MTREX: variants seen among roughly 807,000 people sequenced by gnomAD.
MTREX encodes the protein exosome RNA helicase MTR4.
A neutral mutation model predicts 135.4 loss-of-function variants in MTREX; 76 were observed. The observed-to-expected ratio is 0.56, with a 90% CI of 0.47 to 0.68. The LOEUF (loss-of-function observed/expected upper bound fraction) is 0.68, where lower values mean the gene tolerates loss of function less well. Among genes scored for constraint, MTREX ranks in the 30% least tolerant of loss-of-function variants. The pLI is 0.00. For synonymous variants in MTREX, 404 were observed against 401.6 expected (o/e 1.01, Z -0.07); for missense variants, 920 against 1,262.1 (o/e 0.73, Z 4.11).
At chr5:55,341,812 A>G (rs766106604) in intron 7 of MTREX, 41 bp downstream of exon 7, 1 of 994,930 alleles carries the variant, frequency 1.0e-6, no homozygotes, top group South Asian at 1.6e-5. Context: ...ATTTCCCTTC[A>G]GAATGACATT....
At chr5:55,324,006 G>T in intron 2 of MTREX, 126 bp from the exon 3 acceptor site, 1 of 661,644 alleles carries the variant, frequency 1.5e-6, no homozygotes, top group Non-Finnish European at 2.7e-6. Context: ...AATAGCCAAA[G>T]TTTTTCCTAT....
chr5:55,364,474 G>A, intron 15 of MTREX, among the ~76,000 whole-genome samples: 1 of 152,110 alleles, frequency 6.6e-6, no homozygotes, highest in East Asian at 1.9e-4. Flanking sequence ...ATGAAATTTG[G>A]TATAAACTAT....
At chr5:55,336,218 T>C (rs1356578374) in intron 5 of MTREX, among the ~76,000 whole-genome samples, 1 of 152,176 alleles carries the variant, frequency 6.6e-6, no homozygotes, top group East Asian at 1.9e-4. Flanking sequence ...CTTTTCAATA[T>C]GTGTGTCTTA....
intron 16 of MTREX, among the ~76,000 whole-genome samples, chr5:55,375,641 G>A (rs1750285204): frequency 6.6e-6 from 1 of 152,108 alleles, no homozygotes; most frequent in Non-Finnish European, 1.5e-5. Flanking sequence ...AGGGTCCTGA[G>A]GCGATATACA....
At chr5:55,321,876 T>A (rs183905514) in intron 1 of MTREX, among the ~76,000 whole-genome samples, 1 of 152,166 alleles carries the variant, frequency 6.6e-6, no homozygotes, top group East Asian at 1.9e-4. Flanking sequence ...CCAAAGTGCT[T>A]GGATTACGGG....
chr5:55,312,740 T>C (rs1749135201), intron 1 of MTREX, among the ~76,000 whole-genome samples: 1 of 152,240 alleles, frequency 6.6e-6, no homozygotes, highest in Non-Finnish European at 1.5e-5. Context: ...TTTGAGTTGT[T>C]TCTGTTACGT....
chr5:55,353,742 A>C (rs1161182956), intron 14 of MTREX, among the ~76,000 whole-genome samples: 1 of 152,040 alleles, frequency 6.6e-6, no homozygotes, highest in Non-Finnish European at 1.5e-5. Flanking sequence ...CGTTCCCTTA[A>C]ATTTTTATCC....
chr5:55,407,867 C>A (rs1339080585), intron 22 of MTREX, among the ~76,000 whole-genome samples: 1 of 152,116 alleles, frequency 6.6e-6, no homozygotes, highest in Non-Finnish European at 1.5e-5. Context: ...GATCTTCCTG[C>A]CTCAGTCTCC....
In MTREX at chr5:55,405,809, A is replaced by G. The variant is rs116837739; in HGVS notation, c.2645+221A>G. On this transcript the variant is annotated intron_variant, in intron 22 of 26. Coordinates refer to ENST00000230640, the MANE Select transcript of MTREX (RefSeq NM_015360.5). ...TTCTTAAAAATATAAAGTTTGTACAATATCTTCCACACTAAATACAGTTTT... is the reference window on the plus strand; with the variant it reads ...TTCTTAAAAATATAAAGTTTGTACAGTATCTTCCACACTAAATACAGTTTT... Among the ~76,000 whole-genome samples the G allele has an allele frequency of 8.9e-3, 1,359 of 152,296 alleles. 19 individuals are homozygous for G. Among genetic ancestry groups the G allele is most frequent in the African/African-American group, 0.03 (1,246 of 41,552 alleles).
At chr5:55,390,307 TG>T (rs1750546376) in intron 19 of MTREX, among the ~76,000 whole-genome samples, 1 of 152,220 alleles carries the variant, frequency 6.6e-6, no homozygotes, top group Admixed American at 6.5e-5. Context: ...TTCACCATGT[TG>T]GCCAGGATGG....
At chr5:55,324,701 C>G (rs973285237) in intron 3 of MTREX, 1 of 151,920 alleles carries the variant, frequency 6.6e-6, no homozygotes, top group African/African-American at 2.4e-5. Context: ...CTGCCTCAGC[C>G]TACCAAAGTG....
At chr5:55,409,888 A>G (rs1750859857) in intron 22 of MTREX, among the ~76,000 whole-genome samples, 1 of 152,148 alleles carries the variant, frequency 6.6e-6, no homozygotes, top group Non-Finnish European at 1.5e-5. Context: ...TTGGTTATAT[A>G]CACTTTCAGC....
chr5:55,322,591 A>T lies in MTREX; in HGVS notation c.272+127A>T, dbSNP rs1053208812. The T allele has an allele frequency of 2.2e-5, 14 of 647,648 alleles. No individual in the cohort carries two copies. The African/African-American group carries it at 2.2e-4, about 10-fold the overall frequency. 40.1% of individuals were successfully genotyped at this position (647,648 alleles called of 1,614,324 possible). A position where few individuals can be genotyped will look rare whatever the true frequency, so the allele number is the denominator to read the frequency against. On this transcript the variant is annotated intron_variant, in intron 2 of 26. Transcript: ENST00000230640. The stretch of plus-strand genomic sequence containing the variant: ...TTAGAGAAATGAAGATATTCTTTCT[A>T]TTTTTACACAGGCATGTAAATGTAG...
intron 5 of MTREX, among the ~76,000 whole-genome samples, chr5:55,338,526 C>CTAGAT (rs151309427): frequency 0.14 from 20,458 of 150,774 alleles, 1,692 homozygotes; most frequent in East Asian, 0.26. Context: ...TCTTGGATCT[C>CTAGAT]TAATGTCTTT....
At position 55,405,479 on chromosome 5, in the gene MTREX, C is replaced by T. The variant is rs773137546; in HGVS notation, c.2536C>T (p.Leu846=). The T allele has an allele frequency of 2.6e-5, 42 of 1,613,682 alleles. No homozygotes were observed. Among genetic ancestry groups the T allele is most frequent in the Non-Finnish European group, 3.6e-5 (42 of 1,179,822 alleles). The part of the protein sequence containing the change: ...KRELKKARTV[L]QMDELKCRKR... ...AGAACTGAAGAAAGCAAGAACAGTCCTACAAATGGATGAACTCAAATGTCG... is the reference window on the plus strand; with the variant it reads ...AGAACTGAAGAAAGCAAGAACAGTCTTACAAATGGATGAACTCAAATGTCG... The change falls in exon 22 of 27, where the codon CTA becomes TTA. Residue 846 remains leucine, a synonymous_variant. Transcript: ENST00000230640.
At position 55,414,205 on chromosome 5, in the gene MTREX, A is replaced by G. The variant is rs767442447; in HGVS notation, c.2775A>G (p.Thr925=). The change falls in exon 24 of 27, where the codon ACA becomes ACG. Residue 925 remains threonine (T), a synonymous_variant. Transcript: ENST00000230640. ...AGTCTAGTGAGATGCCCAAATTAAC[A>G]GAACAATTAGCAGGACCACTTCGTC... ...QENSSEMPKL[T]EQLAGPLRQM... 6.4e-7 allele frequency: 1 copy of G among 1,573,190 alleles called. No homozygotes were observed. The highest frequency in any genetic ancestry group is 8.6e-7 in the Non-Finnish European group (1 of 1,168,894).
chr5:55,366,314 C>A (rs1321413338), intron 15 of MTREX, among the ~76,000 whole-genome samples: 1 of 152,090 alleles, frequency 6.6e-6, no homozygotes, highest in Non-Finnish European at 1.5e-5. Context: ...TACAATGAGA[C>A]CTCTATCTCT....
chr5:55,364,475 T>C (rs1409044853), intron 15 of MTREX, among the ~76,000 whole-genome samples: 1 of 152,226 alleles, frequency 6.6e-6, no homozygotes, highest in Non-Finnish European at 1.5e-5. Flanking sequence ...TGAAATTTGG[T>C]ATAAACTATG....
At chr5:55,398,705 T>A (rs1378660280) in intron 20 of MTREX, among the ~76,000 whole-genome samples, 1 of 152,244 alleles carries the variant, frequency 6.6e-6, no homozygotes, top group African/African-American at 2.4e-5. Context: ...TTTGCTAAAG[T>A]GAAAATTGAA....
Sources: allele counts gnomAD v4.1 joint callset (sites outside exome capture counted in the v4.1 genomes callset), GRCh38; gene constraint gnomAD v4.1.1; transcripts MANE v1.5; gene names NCBI Gene and HGNC (gene_info 2026-07-23, HGNC 2026-07-21).